Variants in SPATA18 observed in about 807,000 individuals in gnomAD.
SPATA18 encodes mitochondria-eating protein.
SPATA18 carries 54 observed loss-of-function variants against 68.1 expected under a neutral mutation model. The ratio of observed to expected loss-of-function variants is 0.79; its 90% CI spans 0.64 to 0.99. The LOEUF (loss-of-function observed/expected upper bound fraction) is 0.99, where lower values mean the gene tolerates loss of function less well. SPATA18 is among the 50% of genes least tolerant of loss of function. SPATA18 has a pLI of 0.00. For synonymous variants in SPATA18, 242 were observed against 244.8 expected, an observed-to-expected ratio of 0.99 and a Z score of 0.11; for missense variants, 724 against 681.1, an observed-to-expected ratio of 1.06 and a Z score of -0.70.
At chr4:52,077,112 A>G in intron 7 of SPATA18, 72 bp downstream of exon 7, 4 of 1,480,960 alleles carry the variant, frequency 2.7e-6, no homozygotes, top group African/African-American at 1.4e-5. Flanking sequence ...TGAATGGAAC[A>G]ACTTACAAAG....
chr4:52,068,568 G>A (rs948599020), intron 4 of SPATA18, among the ~76,000 whole-genome samples: 3 of 152,156 alleles, frequency 2.0e-5, no homozygotes, highest in African/African-American at 4.8e-5. Context: ...TGGAATTTTC[G>A]GTGTCTGGTT....
chr4:52,083,250 C>T lies in SPATA18; in HGVS notation c.1479+740C>T, dbSNP rs532508399. 4.0e-5 allele frequency: 39 copies of T among 985,264 alleles called. No individual in the cohort carries two copies. The South Asian group carries it at 1.6e-3, about 39-fold the overall frequency. The allele number at this position is 985,264 out of a possible 1,614,324, so 61.0% of individuals were successfully genotyped here. A position where few individuals can be genotyped will look rare whatever the true frequency, so the allele number is the denominator to read the frequency against. ...TTCCTAGAAAGAGTTAAATGAAGCC[C>T]CTTAGTCCAGGATGATGCCCACAGC... On this transcript the variant is annotated intron_variant, in intron 10 of 12. Transcript: ENST00000295213.
At chr4:52,071,818 G>A in intron 5 of SPATA18, 99 bp from the exon 6 acceptor site, 1 of 1,209,710 alleles carries the variant, frequency 8.3e-7, no homozygotes, top group African/African-American at 1.5e-5. Flanking sequence ...AGCCTCTGTT[G>A]TTAAGCATGC....
At chr4:52,081,439 G>A (rs551580386) in intron 9 of SPATA18, among the ~76,000 whole-genome samples, 2 of 152,288 alleles carry the variant, frequency 1.3e-5, no homozygotes, top group African/African-American at 4.8e-5. Context: ...CTGGCCTCAG[G>A]GCTTCAGGGT....
chr4:52,078,149 C>T (rs1287599152), intron 7 of SPATA18, among the ~76,000 whole-genome samples: 2 of 151,374 alleles, frequency 1.3e-5, no homozygotes, highest in African/African-American at 4.9e-5. Context: ...GCTCAACATG[C>T]ATACAATATT....
chr4:52,078,919 C>G (rs1436508222), intron 8 of SPATA18, 26 bp downstream of exon 8: 2 of 1,534,742 alleles, frequency 1.3e-6, no homozygotes, highest in Non-Finnish European at 1.8e-6. Context: ...TTTATTAGGA[C>G]TGGTTTGCTG....
At position 52,096,859 on chromosome 4, in the gene SPATA18, T is replaced by C. The variant is rs575568513; in HGVS notation, c.*1972T>C. ...TTAAAACTATGCAACAGTTACTGTG[T>C]GTTATACGTTGAAAGGTCTTCACTA... On this transcript the variant is annotated 3_prime_UTR_variant, in exon 13 of 13. Transcript: ENST00000295213. The C allele has an allele frequency of 1.3e-5, 2 of 152,314 alleles. No homozygotes were observed. The highest frequency in any genetic ancestry group is 2.4e-5 in the African/African-American group (1 of 41,572). The allele number at this position is 152,314 out of a possible 1,614,324, so 9.4% of individuals were successfully genotyped here. A position where few individuals can be genotyped will look rare whatever the true frequency, so the allele number is the denominator to read the frequency against.
rs1416727567 is a variant in SPATA18, at chr4:52,095,320, T to C, written c.*433T>C. On this transcript the variant is annotated 3_prime_UTR_variant, in exon 13 of 13. Coordinates refer to ENST00000295213, the MANE Select transcript of SPATA18 (RefSeq NM_145263.4). ...TAAATATAATTGTTGGTATCAGCTTTAGCTCAAAACCAATATTAGGTGTTT... is the reference window on the plus strand; with the variant it reads ...TAAATATAATTGTTGGTATCAGCTTCAGCTCAAAACCAATATTAGGTGTTT... The C allele has an allele frequency of 5.6e-6, 1 of 178,552 alleles. No individual in the cohort carries two copies. The highest frequency in any genetic ancestry group is 1.2e-5 in the Non-Finnish European group (1 of 85,450). 11.1% of individuals were successfully genotyped at this position (178,552 alleles called of 1,614,324 possible). A position where few individuals can be genotyped will look rare whatever the true frequency, so the allele number is the denominator to read the frequency against.
At chr4:52,091,607 AG>A (rs1244400726) in intron 11 of SPATA18, among the ~76,000 whole-genome samples, 1 of 152,220 alleles carries the variant, frequency 6.6e-6, no homozygotes, top group Non-Finnish European at 1.5e-5. Flanking sequence ...TGGAGGCTGC[AG>A]AGCAGCAAAG....
intron 11 of SPATA18, among the ~76,000 whole-genome samples, chr4:52,090,988 C>A (rs1041584205): frequency 6.6e-6 from 1 of 151,756 alleles, no homozygotes; most frequent in African/African-American, 2.4e-5. Context: ...TTGTTTGTTC[C>A]TTTTTATTCT....
chr4:52,073,986 C>A (rs7434485), intron 6 of SPATA18, among the ~76,000 whole-genome samples: 1 of 152,104 alleles, frequency 6.6e-6, no homozygotes, highest in African/African-American at 2.4e-5. Flanking sequence ...TAGACTTGCA[C>A]CAGTATTTGC....
chr4:52,072,319 C>G (rs1404532601), intron 6 of SPATA18, among the ~76,000 whole-genome samples, 163 bp downstream of exon 6: 1 of 152,180 alleles, frequency 6.6e-6, no homozygotes, highest in Non-Finnish European at 1.5e-5. Context: ...AACTGCACCC[C>G]TTCCAGAGAG....
At chr4:52,064,183 C>CTATATATATATATA (rs71193057) in intron 4 of SPATA18, among the ~76,000 whole-genome samples, 11 of 145,976 alleles carry the variant, frequency 7.5e-5, no homozygotes, top group Non-Finnish European at 1.5e-4. Context: ...CCTTCTCTTT[C>CTATATATATATATA]TATATATATA....
intron 6 of SPATA18, among the ~76,000 whole-genome samples, chr4:52,075,426 C>A (rs1468640827): frequency 1.3e-5 from 2 of 152,062 alleles, no homozygotes; most frequent in African/African-American, 4.8e-5. Context: ...ATCTTAAAGC[C>A]TACATTTAAT....
intron 4 of SPATA18, among the ~76,000 whole-genome samples, chr4:52,062,636 G>A (rs1162028588): frequency 2.0e-5 from 3 of 151,914 alleles, no homozygotes; most frequent in African/African-American, 4.8e-5. Context: ...TTGACAAACA[G>A]GTAAAGATTG....
intron 4 of SPATA18, among the ~76,000 whole-genome samples, chr4:52,069,470 A>C (rs1434353954): frequency 6.6e-6 from 1 of 152,164 alleles, no homozygotes; most frequent in Non-Finnish European, 1.5e-5. Flanking sequence ...TTTGTAGAGA[A>C]AGCCAACTTG....
intron 9 of SPATA18, among the ~76,000 whole-genome samples, chr4:52,081,233 C>G (rs1290513696): frequency 1.3e-5 from 2 of 152,208 alleles, no homozygotes; most frequent in African/African-American, 4.8e-5. Flanking sequence ...GCTGACATTC[C>G]TTTAACCAGA....
Position 52,060,876 on chromosome 4 carries a change from C to T in SPATA18, c.288C>T (p.Asp96=), listed in dbSNP as rs1455720860. ...CTGCTTCCCTGGGAAAATCTGTTGA[C>T]AGCAAGGTCCCCTCTCTGCAGGTAG... The part of the protein sequence containing the change: ...FTAASLGKSV[D]SKVPSLQDTF... Residue 96 remains aspartate, a synonymous_variant, in exon 3 of 13, where the codon GAC becomes GAT. Coordinates refer to ENST00000295213, the MANE Select transcript of SPATA18 (RefSeq NM_145263.4). 1.9e-6 allele frequency: 3 copies of T among 1,613,880 alleles called. No individual in the cohort carries two copies. Among genetic ancestry groups the T allele is most frequent in the Non-Finnish European group, 2.5e-6 (3 of 1,179,874 alleles).
intron 5 of SPATA18, among the ~76,000 whole-genome samples, chr4:52,070,547 G>C (rs562288364): frequency 3.3e-5 from 5 of 149,748 alleles, no homozygotes; most frequent in East Asian, 2.0e-4. Flanking sequence ...GGTAGGGGGA[G>C]GGGGGAGGGA....
Sources: allele counts gnomAD v4.1 joint callset (sites outside exome capture counted in the v4.1 genomes callset), GRCh38; gene constraint gnomAD v4.1.1; transcripts MANE v1.5; gene names NCBI Gene and HGNC (gene_info 2026-07-23, HGNC 2026-07-21).